PRLR: variants seen among roughly 807,000 people sequenced by gnomAD.
PRLR encodes the protein prolactin receptor, also known as hPRL receptor.
In PRLR, 13 loss-of-function variants were observed where a neutral mutation model predicts 40.2. The observed-to-expected ratio is 0.32, with a 90% CI of 0.21 to 0.51. The LOEUF (loss-of-function observed/expected upper bound fraction) is 0.51. Among genes scored for constraint, PRLR ranks in the 20% least tolerant of loss-of-function variants. The pLI is 0.97. For missense variants in PRLR, 656 were observed against 747.3 expected, an observed-to-expected ratio of 0.88 and a Z score of 1.42; for synonymous variants, 269 against 278.7, an observed-to-expected ratio of 0.97 and a Z score of 0.35.
At chr5:35,159,858 G>A (rs527323191) in intron 1 of PRLR, among the ~76,000 whole-genome samples, 1 of 152,322 alleles carries the variant, frequency 6.6e-6, no homozygotes, top group East Asian at 1.9e-4. Flanking sequence ...GCATTTGTCA[G>A]AAGGAATTCT....
At chr5:35,099,933 T>C (rs976237595) in intron 2 of PRLR, among the ~76,000 whole-genome samples, 5 of 151,946 alleles carry the variant, frequency 3.3e-5, no homozygotes, top group Non-Finnish European at 7.4e-5. Flanking sequence ...TCCCGGCACT[T>C]TGGGAGGCTG....
chr5:35,077,945 T>G (rs1376779395), intron 5 of PRLR, among the ~76,000 whole-genome samples: 1 of 152,206 alleles, frequency 6.6e-6, no homozygotes, highest in Non-Finnish European at 1.5e-5. Context: ...AACCTGCTCC[T>G]GAATCACTAC....
At chr5:35,151,325 T>G (rs1774335723) in intron 1 of PRLR, among the ~76,000 whole-genome samples, 1 of 152,182 alleles carries the variant, frequency 6.6e-6, no homozygotes, top group Non-Finnish European at 1.5e-5. Context: ...CAGCTTGGAT[T>G]GCTAAGCCAA....
chr5:35,068,986 T>C (rs1769579266), intron 7 of PRLR, 108 bp from the exon 8 acceptor site: 2 of 770,430 alleles, frequency 2.6e-6, no homozygotes, highest in African/African-American at 1.7e-5. Context: ...TCCATTCATA[T>C]ATTTTTTTGA....
At chr5:35,136,543 T>G (rs1362245350) in intron 1 of PRLR, among the ~76,000 whole-genome samples, 1 of 152,176 alleles carries the variant, frequency 6.6e-6, no homozygotes, top group Non-Finnish European at 1.5e-5. Context: ...AGAGAATCAC[T>G]GCCCTAGAAG....
chr5:35,175,458 C>T (rs985189755), intron 1 of PRLR, among the ~76,000 whole-genome samples: 2 of 152,140 alleles, frequency 1.3e-5, no homozygotes, highest in Admixed American at 6.5e-5. Context: ...TTATAAGCAG[C>T]GTGAGGACAG....
At chr5:35,122,797 A>G (rs1334880269) in intron 1 of PRLR, among the ~76,000 whole-genome samples, 1 of 152,230 alleles carries the variant, frequency 6.6e-6, no homozygotes, top group African/African-American at 2.4e-5. Context: ...GAGCAGAAGC[A>G]AGCACATCCA....
Position 35,072,733 on chromosome 5 carries a change from G to A in PRLR, c.385C>T (p.Pro129Ser). ...VDVTYIVQPD[P>S]PLELAVEVKQ... The stretch of plus-strand genomic sequence containing the variant: ...ACTTCCACAGCCAGCTCCAAAGGAG[G>A]GTCTGGCTGAACTGCAGAAATACAG... The change falls in exon 6 of 10, where the codon CCT (proline) becomes TCT (serine). Residue 129 changes from proline to serine, a missense_variant. Coordinates refer to ENST00000618457, the MANE Select transcript of PRLR (RefSeq NM_000949.7). 1 of 1,614,016 alleles carries A rather than the reference G, an allele frequency of 6.2e-7. No homozygotes were observed. Among genetic ancestry groups the A allele is most frequent in the East Asian group, 2.2e-5 (1 of 44,878 alleles).
chr5:35,101,825 A>ATT (rs1441346622), intron 2 of PRLR, among the ~76,000 whole-genome samples: 5 of 148,324 alleles, frequency 3.4e-5, no homozygotes, highest in African/African-American at 9.8e-5. Flanking sequence ...TGTTTTATAT[A>ATT]TTATATATAT....
rs1352355819 is a variant in PRLR, at chr5:35,099,554, ACT to A, written c.-43-9893_-43-9892del. Among the ~76,000 whole-genome samples, 3 of 152,278 alleles carry A rather than the reference ACT, an allele frequency of 2.0e-5. No homozygotes were observed. The East Asian group carries it at 5.8e-4, about 29-fold the overall frequency. On this transcript the variant is annotated intron_variant, in intron 2 of 9. Transcript: ENST00000618457. ...TCCTTCTACTTATTAAAAAAAGTTA[ACT>A]GTAAAATAGCCTCAGGCAGATCCTT...
intron 1 of PRLR, among the ~76,000 whole-genome samples, chr5:35,172,375 T>C (rs188970553): frequency 1.6e-4 from 25 of 152,114 alleles, no homozygotes; most frequent in Non-Finnish European, 2.9e-4. Context: ...TGGTAGGAGG[T>C]TGGAGGAAGG....
intron 1 of PRLR, among the ~76,000 whole-genome samples, chr5:35,191,475 T>A (rs1249434200): frequency 6.6e-6 from 1 of 152,168 alleles, no homozygotes; most frequent in Non-Finnish European, 1.5e-5. Flanking sequence ...CTGAGGAACA[T>A]CATTTCTAGC....
intron 1 of PRLR, among the ~76,000 whole-genome samples, chr5:35,170,695 G>A (rs368413919): frequency 1.6e-4 from 24 of 152,054 alleles, no homozygotes; most frequent in African/African-American, 5.8e-4. Context: ...CTGGGTGACA[G>A]AACAAGAACC....
At chr5:35,097,659 C>G (rs1194436128) in intron 2 of PRLR, among the ~76,000 whole-genome samples, 1 of 152,086 alleles carries the variant, frequency 6.6e-6, no homozygotes. Flanking sequence ...CTAAGGCAGC[C>G]CTCTTCCTAA....
In PRLR at chr5:35,186,365, C is replaced by T. The variant is rs147649988; in HGVS notation, c.-106+43903G>A. ...GTAACAAGTACACATTCCCTCTCCT[C>T]GAGGTTGTCCCTCAGCATGACGCTG... On this transcript the variant is annotated intron_variant, in intron 1 of 9. Coordinates refer to ENST00000618457, the MANE Select transcript of PRLR (RefSeq NM_000949.7). Among the ~76,000 whole-genome samples the T allele has an allele frequency of 2.5e-4, 38 of 152,308 alleles. No individual in the cohort carries two copies. In the East Asian group the frequency reaches 5.6e-3, roughly 22 times the overall value.
At chr5:35,082,675 C>G (rs1770596641) in intron 5 of PRLR, among the ~76,000 whole-genome samples, 1 of 152,174 alleles carries the variant, frequency 6.6e-6, no homozygotes, top group Non-Finnish European at 1.5e-5. Context: ...GAACTCTACT[C>G]CTGAGCAATT....
At position 35,119,384 on chromosome 5, in the gene PRLR, T is replaced by TCACACACA. The variant is rs567644859; in HGVS notation, c.-105-1263_-105-1262insTGTGTGTG. ...GCCATTGACAACCTCTCTCTCTCTCTCTCACACACACACACACACACACAC... is the reference window on the plus strand; with the variant it reads ...GCCATTGACAACCTCTCTCTCTCTCTCACACACACTCACACACACACACACACACACAC... On this transcript the variant is annotated intron_variant, in intron 1 of 9. Transcript: ENST00000618457. Among the ~76,000 whole-genome samples, 1,375 of 143,214 alleles carry TCACACACA rather than the reference T, an allele frequency of 9.6e-3. 25 individuals are homozygous for TCACACACA. Among genetic ancestry groups the TCACACACA allele is most frequent in the African/African-American group, 0.038 (1,291 of 34,280 alleles). The allele number at this position is 143,214 out of a possible 152,430, so 94.0% of individuals were successfully genotyped here. A position where few individuals can be genotyped will look rare whatever the true frequency, so the allele number is the denominator to read the frequency against.
In PRLR at chr5:35,142,988, A is replaced by T. The variant is rs530424713; in HGVS notation, c.-105-24866T>A. On this transcript the variant is annotated intron_variant, in intron 1 of 9. Coordinates refer to ENST00000618457, the MANE Select transcript of PRLR (RefSeq NM_000949.7). ...TGCAAAGTACTTGAGTGCCTGGAAC[A>T]TAATCTCACCCAATAAATGTCAGCT... is the stretch of plus-strand genomic sequence containing the variant. Among the ~76,000 whole-genome samples, 13 of 152,390 alleles carry T rather than the reference A, an allele frequency of 8.5e-5. No individual in the cohort carries two copies. The South Asian group carries it at 2.5e-3, about 29-fold the overall frequency.
chr5:35,090,282 A>G (rs1771116532), intron 2 of PRLR, among the ~76,000 whole-genome samples: 2 of 151,762 alleles, frequency 1.3e-5, no homozygotes, highest in Admixed American at 1.3e-4. Context: ...AACAAAAGGT[A>G]ATAAATTCTG....
Sources: gnomAD v4.1 joint callset for allele counts (sites outside exome capture counted in the v4.1 genomes callset) on GRCh38, gnomAD v4.1.1 for gene constraint, MANE v1.5 for transcripts, NCBI Gene and HGNC (gene_info 2026-07-23, HGNC 2026-07-21) for gene names.